SLMAP: variants seen among roughly 807,000 people sequenced by gnomAD.
The protein encoded by SLMAP is sarcolemma associated protein, also known as sarcolemmal membrane-associated protein.
SLMAP carries 44 observed loss-of-function variants against 128.8 expected under a neutral mutation model. The observed-to-expected ratio is 0.34, with a 90% CI of 0.27 to 0.44. SLMAP has a LOEUF of 0.44. Ranked by LOEUF, SLMAP falls within the 20% of genes least tolerant of loss-of-function variation. The probability of loss-of-function intolerance (pLI) is 1.00; values close to 1 mark genes in which losing one functional copy is unlikely to be tolerated. For synonymous variants in SLMAP, 327 were observed against 348.8 expected, an observed-to-expected ratio of 0.94 and a Z score of 0.70; for missense variants, 787 against 985.3, an observed-to-expected ratio of 0.80 and a Z score of 2.69.
At position 57,864,591 on chromosome 3, in the gene SLMAP, C is replaced by G; in HGVS notation, c.1010C>G (p.Ala337Gly). The change falls in exon 11 of 25, where the codon GCT (alanine) becomes GGT (glycine). Residue 337 changes from alanine to glycine, a missense_variant. Transcript: ENST00000671191. ...GAGGAAATCCAACAGAAGGGACAGG[C>G]TGAGAAAAAAGAATTACAACATAAA... ...KQEEIQQKGQ[A>G]EKKELQHKID... The G allele has an allele frequency of 6.3e-7, 1 of 1,588,552 alleles. No individual in the cohort carries two copies. Among genetic ancestry groups the G allele is most frequent in the Non-Finnish European group, 8.5e-7 (1 of 1,173,660 alleles).
At chr3:57,922,046 A>C (rs1216853995) in intron 22 of SLMAP, among the ~76,000 whole-genome samples, 1 of 152,212 alleles carries the variant, frequency 6.6e-6, no homozygotes, top group Non-Finnish European at 1.5e-5. Flanking sequence ...TCCCAATCAT[A>C]GTGGTCGGTA....
rs1463880328 is a variant in SLMAP, at chr3:57,860,742, A to G, written c.731A>G (p.Gln244Arg). ...TTACGAAAGGAACTTATAGCATTAC[A>G]AGAGGATAAACATAACTATGAGACA... ...DSLRKELIAL[Q>R]EDKHNYETTA... Residue 244 changes from glutamine (Q) to arginine (R), a missense_variant, in exon 9 of 25, where the codon CAA becomes CGA. By Grantham distance (43) the Gln-to-Arg change is conservative. Coordinates refer to ENST00000671191, the MANE Select transcript of SLMAP (RefSeq NM_001377540.1). 5 of 1,595,798 alleles carry G rather than the reference A, an allele frequency of 3.1e-6. No individual in the cohort carries two copies. In the South Asian group the frequency reaches 5.8e-5, roughly 19 times the overall value.
At chr3:57,771,934 G>A (rs945043761) in intron 2 of SLMAP, among the ~76,000 whole-genome samples, 3 of 152,202 alleles carry the variant, frequency 2.0e-5, no homozygotes, top group Non-Finnish European at 4.4e-5. Context: ...TGAAATTAAA[G>A]AAGTTGGGTA....
intron 3 of SLMAP, among the ~76,000 whole-genome samples, chr3:57,832,175 A>G (rs572094534): frequency 6.6e-6 from 1 of 152,346 alleles, no homozygotes; most frequent in South Asian, 2.1e-4. Flanking sequence ...ACCTGCAGCT[A>G]CAAAGAAGTC....
intron 2 of SLMAP, among the ~76,000 whole-genome samples, chr3:57,791,475 A>G (rs2153475803): frequency 6.6e-6 from 1 of 152,322 alleles, no homozygotes; most frequent in South Asian, 2.1e-4. Flanking sequence ...CAGAATCTGC[A>G]CTGTCACTTC....
chr3:57,890,010 C>T (rs1359792767), intron 14 of SLMAP, 31 bp from the exon 15 acceptor site: 4 of 1,523,254 alleles, frequency 2.6e-6, no homozygotes, highest in Non-Finnish European at 3.6e-6. Context: ...TCAGTTTGGG[C>T]TTGGATGGTA....
intron 10 of SLMAP, among the ~76,000 whole-genome samples, chr3:57,863,255 A>C (rs1228847414): frequency 6.6e-6 from 1 of 152,134 alleles, no homozygotes; most frequent in African/African-American, 2.4e-5. Flanking sequence ...GGTAATGTCT[A>C]GTTGGTCCTT....
rs1051904133 is a variant in SLMAP at position 57,757,385 on chromosome 3, GAGA to G, written c.-260_-258del. The G allele has an allele frequency of 7.5e-5, 39 of 522,834 alleles. No homozygotes were observed. Among genetic ancestry groups the G allele is most frequent in the South Asian group, 6.9e-4 (32 of 46,586 alleles). The allele number at this position is 522,834 out of a possible 1,614,324, so 32.4% of individuals were successfully genotyped here. A position where few individuals can be genotyped will look rare whatever the true frequency, so the allele number is the denominator to read the frequency against. On this transcript the variant is annotated 5_prime_UTR_variant, in exon 2 of 25. It adds an upstream start codon to the 5' untranslated region. Coordinates refer to ENST00000671191, the MANE Select transcript of SLMAP (RefSeq NM_001377540.1). The stretch of plus-strand genomic sequence containing the variant: ...CCGATGTTTGAGCCTTTTCTTCCCA[GAGA>G]AGAAGATGGACTGAAAGCTGCCAGT...
At chr3:57,822,056 A>T (rs1399588939) in intron 2 of SLMAP, among the ~76,000 whole-genome samples, 1 of 151,990 alleles carries the variant, frequency 6.6e-6, no homozygotes, top group Non-Finnish European at 1.5e-5. Context: ...TACTTAATTC[A>T]TCCTGTCTTA....
chr3:57,819,469 TG>T (rs1202827712), intron 2 of SLMAP, among the ~76,000 whole-genome samples: 12 of 152,210 alleles, frequency 7.9e-5, no homozygotes, highest in African/African-American at 2.9e-4. Context: ...ATTCTTTGTG[TG>T]TGGGCAGGTT....
intron 14 of SLMAP, among the ~76,000 whole-genome samples, chr3:57,878,271 G>C (rs375765324): frequency 6.6e-6 from 1 of 151,854 alleles, no homozygotes; most frequent in Non-Finnish European, 1.5e-5. Flanking sequence ...ATGAAAGTCT[G>C]TATTATTAAA....
intron 2 of SLMAP, among the ~76,000 whole-genome samples, chr3:57,825,823 GA>G (rs1480695668): frequency 6.6e-6 from 1 of 152,192 alleles, no homozygotes; most frequent in African/African-American, 2.4e-5. Context: ...TTGTGCTGGA[GA>G]GGGGGATGGG....
chr3:57,781,106 A>G (rs2082969229), intron 2 of SLMAP, among the ~76,000 whole-genome samples: 1 of 152,048 alleles, frequency 6.6e-6, no homozygotes, highest in Admixed American at 6.6e-5. Context: ...TTAGCGAGGC[A>G]TGGTGGTACA....
intron 2 of SLMAP, among the ~76,000 whole-genome samples, chr3:57,790,019 T>G (rs1198667476): frequency 6.6e-6 from 1 of 152,088 alleles, no homozygotes. Context: ...TTATTTTTAG[T>G]AGAGACGGGG....
intron 14 of SLMAP, among the ~76,000 whole-genome samples, chr3:57,884,605 C>G (rs567395039): frequency 6.6e-6 from 1 of 152,032 alleles, no homozygotes; most frequent in African/African-American, 2.4e-5. Flanking sequence ...CTCAGGAGTT[C>G]GAGACCAGCT....
In SLMAP at chr3:57,904,971, G is replaced by T. The variant is rs1363015389; in HGVS notation, c.1502-2913G>T. ...AGTCCCAGCTACTCAGGAGGCTGAG[G>T]AAGGGGGATAGCTTGAGCCCAGGAG... is the stretch of plus-strand genomic sequence containing the variant. On this transcript the variant is annotated intron_variant, in intron 17 of 24. Transcript: ENST00000671191. Among the ~76,000 whole-genome samples, 5 of 152,286 alleles carry T rather than the reference G, an allele frequency of 3.3e-5. No homozygotes were observed. In the East Asian group the frequency reaches 9.7e-4, roughly 29 times the overall value.
intron 2 of SLMAP, among the ~76,000 whole-genome samples, chr3:57,811,065 A>T (rs1222963394): frequency 6.6e-6 from 1 of 152,216 alleles, no homozygotes; most frequent in Non-Finnish European, 1.5e-5. Context: ...CTTTAAAAAA[A>T]TTTTTATTGT....
intron 6 of SLMAP, among the ~76,000 whole-genome samples, chr3:57,857,384 G>A (rs2094844427): frequency 6.6e-6 from 1 of 152,002 alleles, no homozygotes; most frequent in Non-Finnish European, 1.5e-5. Context: ...ACATACCTAT[G>A]ATAAAGTTTG....
rs1576218966 is a variant in SLMAP, at chr3:57,771,164, C to T, written c.198+13315C>T. Among the ~76,000 whole-genome samples the T allele has an allele frequency of 6.2e-5, 9 of 145,624 alleles. No individual in the cohort carries two copies. In the South Asian group the frequency reaches 2.0e-3, roughly 32 times the overall value. ...CTGCTCTCCCCTCCCCTCCCCTCCC[C>T]TCCCCTCCCCTCCCCTCTCCTCTCC... On this transcript the variant is annotated intron_variant, in intron 2 of 24. Transcript: ENST00000671191.
Sources: allele counts gnomAD v4.1 joint callset (sites outside exome capture counted in the v4.1 genomes callset), GRCh38; gene constraint gnomAD v4.1.1; transcripts MANE v1.5; gene names NCBI Gene and HGNC (gene_info 2026-07-23, HGNC 2026-07-21).